ARPC1A: variants seen among roughly 807,000 people sequenced by gnomAD.
ARPC1A encodes actin related protein 2/3 complex subunit 1A.
Under a neutral mutation model 46.9 loss-of-function variants are expected in ARPC1A, and 8 were observed. That is an observed-to-expected ratio of 0.17 (90% CI 0.10 to 0.31). The LOEUF is 0.31. Ranked by LOEUF, ARPC1A falls within the 10% of genes least tolerant of loss-of-function variation. The pLI is 1.00. For synonymous variants in ARPC1A, 152 were observed against 169.0 expected, an observed-to-expected ratio of 0.90 and a Z score of 0.78; for missense variants, 286 against 483.6, an observed-to-expected ratio of 0.59 and a Z score of 3.83.
intron 1 of ARPC1A, among the ~76,000 whole-genome samples, chr7:99,326,483 C>T (rs1793049527): frequency 6.6e-6 from 1 of 152,192 alleles, no homozygotes; most frequent in South Asian, 2.1e-4. Context: ...TCGAGAAAAA[C>T]CTTCTCCCGA....
At chr7:99,361,068 G>T (rs958811258) in intron 8 of ARPC1A, among the ~76,000 whole-genome samples, 18 of 151,920 alleles carry the variant, frequency 1.2e-4, no homozygotes, top group Non-Finnish European at 2.5e-4. Flanking sequence ...GAATCTTATT[G>T]TGGTATTGAT....
chr7:99,350,786 C>T (rs1004360199), intron 5 of ARPC1A, among the ~76,000 whole-genome samples: 1 of 151,618 alleles, frequency 6.6e-6, no homozygotes, highest in African/African-American at 2.4e-5. Context: ...GCTGGGACCA[C>T]AGGCATGAGC....
At chr7:99,352,753 T>C (rs1399129964) in intron 5 of ARPC1A, among the ~76,000 whole-genome samples, 5 of 150,628 alleles carry the variant, frequency 3.3e-5, no homozygotes, top group Non-Finnish European at 7.4e-5. Flanking sequence ...TCACCTGAGG[T>C]CAGGAGTTCA....
intron 5 of ARPC1A, among the ~76,000 whole-genome samples, chr7:99,351,908 G>A (rs1013361217): frequency 1.3e-5 from 2 of 152,152 alleles, no homozygotes; most frequent in Non-Finnish European, 2.9e-5. Context: ...AAACACAGCT[G>A]TGTGGAATTA....
At chr7:99,327,065 A>G (rs1028663957) in intron 1 of ARPC1A, among the ~76,000 whole-genome samples, 73 of 152,016 alleles carry the variant, frequency 4.8e-4, no homozygotes, top group African/African-American at 1.7e-3. Context: ...TCTCTCCTCA[A>G]TTTTATCTAG....
intron 2 of ARPC1A, among the ~76,000 whole-genome samples, chr7:99,334,883 G>A (rs545360108): frequency 4.6e-5 from 7 of 151,002 alleles, no homozygotes; most frequent in East Asian, 2.0e-4. Flanking sequence ...TCGCTCTGTC[G>A]CCCAGGCTGG....
chr7:99,364,433 C>T (rs1056405419), intron 9 of ARPC1A, among the ~76,000 whole-genome samples: 7 of 151,910 alleles, frequency 4.6e-5, no homozygotes, highest in African/African-American at 1.7e-4. Flanking sequence ...CCACCACGCC[C>T]AGCTAATTTT....
intron 1 of ARPC1A, among the ~76,000 whole-genome samples, chr7:99,332,748 C>T (rs1562795708): frequency 6.6e-6 from 1 of 150,958 alleles, no homozygotes; most frequent in East Asian, 1.9e-4. Context: ...ACTACAGGCG[C>T]CCGCTACCAT....
chr7:99,328,746 T>A (rs1383836661), intron 1 of ARPC1A, among the ~76,000 whole-genome samples: 1 of 151,816 alleles, frequency 6.6e-6, no homozygotes, highest in Non-Finnish European at 1.5e-5. Context: ...GCCCAGGAGT[T>A]TGAGACCAGC....
chr7:99,334,034 T>C (rs7457154), intron 2 of ARPC1A, among the ~76,000 whole-genome samples: 3,094 of 123,760 alleles, frequency 0.025, 103 homozygotes, highest in African/African-American at 0.093. Context: ...CACACACATA[T>C]ATATGTATTT....
chr7:99,352,411 C>T (rs1363391764), intron 5 of ARPC1A, among the ~76,000 whole-genome samples: 2 of 152,100 alleles, frequency 1.3e-5, no homozygotes, highest in Non-Finnish European at 2.9e-5. Context: ...AATCCCAGCA[C>T]TTTGGGAGGC....
chr7:99,333,481 C>T, intron 2 of ARPC1A, 64 bp downstream of exon 2: 2 of 1,402,984 alleles, frequency 1.4e-6, no homozygotes, highest in Non-Finnish European at 1.0e-6. Context: ...TCTTTAGACA[C>T]ATTTAGGGCT....
At chr7:99,354,520 C>CAAAA (rs149604532) in intron 6 of ARPC1A, among the ~76,000 whole-genome samples, 2 of 55,808 alleles carry the variant, frequency 3.6e-5, no homozygotes, top group African/African-American at 5.3e-5. Flanking sequence ...GACTCCGTCT[C>CAAAA]AAAAAAAAAA....
At chr7:99,341,003 C>T (rs1288348620) in intron 3 of ARPC1A, among the ~76,000 whole-genome samples, 1 of 152,164 alleles carries the variant, frequency 6.6e-6, no homozygotes, top group African/African-American at 2.4e-5. Flanking sequence ...AATAAGAATA[C>T]TCATATTTTA....
At chr7:99,364,915 T>C (rs889918203) in intron 9 of ARPC1A, among the ~76,000 whole-genome samples, 2 of 152,124 alleles carry the variant, frequency 1.3e-5, no homozygotes, top group Non-Finnish European at 2.9e-5. Flanking sequence ...CCAGTGCCTC[T>C]GTTTTCACAC....
At chr7:99,338,126 T>C (rs1354615545) in intron 2 of ARPC1A, 55 bp from the exon 3 acceptor site, 5 of 1,364,152 alleles carry the variant, frequency 3.7e-6, no homozygotes, top group African/African-American at 1.4e-5. Context: ...CATGTCCCCT[T>C]TTTGGTGACA....
At chr7:99,352,646 C>T (rs1793562511) in intron 5 of ARPC1A, among the ~76,000 whole-genome samples, 1 of 150,266 alleles carries the variant, frequency 6.7e-6, no homozygotes, top group Admixed American at 6.6e-5. Context: ...GAGCCAGACC[C>T]CCGTCTCTTA....
At chr7:99,326,353 G>A (rs145321102) in intron 1 of ARPC1A, among the ~76,000 whole-genome samples, 1 of 152,290 alleles carries the variant, frequency 6.6e-6, no homozygotes, top group Admixed American at 6.5e-5. Context: ...GCGACCCGCG[G>A]GACTATTCAT....
intron 3 of ARPC1A, among the ~76,000 whole-genome samples, chr7:99,343,478 A>G (rs987287320): frequency 2.0e-5 from 3 of 151,594 alleles, no homozygotes; most frequent in East Asian, 1.9e-4. Flanking sequence ...AAAAAAAAAA[A>G]GAAAGAAAAG....
Sources: gnomAD v4.1 joint callset for allele counts (sites outside exome capture counted in the v4.1 genomes callset) on GRCh38, gnomAD v4.1.1 for gene constraint, MANE v1.5 for transcripts, NCBI Gene and HGNC (gene_info 2026-07-23, HGNC 2026-07-21) for gene names.